RAD54L2: variants seen among roughly 807,000 people sequenced by gnomAD.
The protein encoded by RAD54L2 is helicase ARIP4.
RAD54L2 carries 27 observed loss-of-function variants against 138.4 expected under a neutral mutation model. The observed-to-expected ratio is 0.20, with a 90% CI of 0.14 to 0.27. RAD54L2 has a LOEUF of 0.27. Among genes scored for constraint, RAD54L2 ranks in the 10% least tolerant of loss-of-function variants. The probability of loss-of-function intolerance (pLI) is 1.00; values close to 1 mark genes in which losing one functional copy is unlikely to be tolerated. For synonymous variants in RAD54L2, 644 were observed against 723.2 expected (o/e 0.89, Z 1.76); for missense variants, 1,396 against 1,890.2 (o/e 0.74, Z 4.85).
chr3:51,589,501 G>A (rs1209562477), intron 2 of RAD54L2, among the ~76,000 whole-genome samples: 1 of 152,160 alleles, frequency 6.6e-6, no homozygotes, highest in Non-Finnish European at 1.5e-5. Context: ...TAGCATGGTG[G>A]ACTGGAAGCT....
At chr3:51,580,733 A>G (rs1699587242) in intron 2 of RAD54L2, among the ~76,000 whole-genome samples, 1 of 152,212 alleles carries the variant, frequency 6.6e-6, no homozygotes, top group Non-Finnish European at 1.5e-5. Flanking sequence ...ACAAAGCACC[A>G]CAAAGGGCCT....
At chr3:51,614,767 C>A (rs1375977319) in intron 3 of RAD54L2, among the ~76,000 whole-genome samples, 3 of 152,068 alleles carry the variant, frequency 2.0e-5, no homozygotes, top group Admixed American at 2.0e-4. Flanking sequence ...CCTCTCTTGG[C>A]CTTCCAAAGT....
intron 19 of RAD54L2, among the ~76,000 whole-genome samples, chr3:51,646,844 A>C (rs1431742042): frequency 6.6e-6 from 1 of 152,148 alleles, no homozygotes; most frequent in Non-Finnish European, 1.5e-5. Flanking sequence ...TCAAGGATGA[A>C]GGCTCTGTTC....
intron 2 of RAD54L2, among the ~76,000 whole-genome samples, chr3:51,580,696 A>G (rs1405353674): frequency 1.3e-5 from 2 of 152,222 alleles, no homozygotes; most frequent in African/African-American, 4.8e-5. Flanking sequence ...AACCTGGGAC[A>G]GAGACCAAAT....
Position 51,637,531 on chromosome 3 carries a change from T to C in RAD54L2, c.1682+28T>C, listed in dbSNP as rs916996473. ...GAGCCATCCTCAGGGTCCTGCTTCC[T>C]GAATTTTCAGAGGGCCCTGTTGCCA... On this transcript the variant is annotated intron_variant, in intron 11 of 22. Coordinates refer to ENST00000684192, the MANE Select transcript of RAD54L2 (RefSeq NM_015106.4). The surrounding 1 kb of genome is among the most constrained non-coding windows in gnomAD (Gnocchi z 5.9). The C allele has an allele frequency of 1.9e-6, 3 of 1,581,690 alleles. No individual in the cohort carries two copies. Among genetic ancestry groups the C allele is most frequent in the Non-Finnish European group, 2.6e-6 (3 of 1,160,760 alleles).
chr3:51,609,321 C>T (rs1360823698), intron 3 of RAD54L2, among the ~76,000 whole-genome samples: 1 of 152,204 alleles, frequency 6.6e-6, no homozygotes, highest in East Asian at 1.9e-4. Context: ...TATTATTTTG[C>T]CAAGGCATGG....
chr3:51,618,395 G>T (rs1700495822), intron 3 of RAD54L2, among the ~76,000 whole-genome samples: 1 of 151,910 alleles, frequency 6.6e-6, no homozygotes, highest in Non-Finnish European at 1.5e-5. Flanking sequence ...AGCTTTTTGT[G>T]TCCTGCTTTA....
chr3:51,562,644 C>T (rs1300874648), intron 2 of RAD54L2, among the ~76,000 whole-genome samples: 4 of 152,192 alleles, frequency 2.6e-5, no homozygotes, highest in Non-Finnish European at 5.9e-5. Flanking sequence ...GCTGGGATTA[C>T]AGGCATGAGC....
At chr3:51,575,734 A>G (rs1346425468) in intron 2 of RAD54L2, among the ~76,000 whole-genome samples, 1 of 152,198 alleles carries the variant, frequency 6.6e-6, no homozygotes, top group African/African-American at 2.4e-5. Flanking sequence ...TTATCAGCTT[A>G]AGGAGATTTT....
At chr3:51,542,906 C>T (rs1210161644) in intron 2 of RAD54L2, among the ~76,000 whole-genome samples, 4 of 152,120 alleles carry the variant, frequency 2.6e-5, no homozygotes, top group Non-Finnish European at 5.9e-5. Context: ...TTGGAAACAG[C>T]GGGCTCTCCC....
intron 3 of RAD54L2, among the ~76,000 whole-genome samples, chr3:51,600,737 C>T (rs578239073): frequency 3.3e-5 from 5 of 152,250 alleles, no homozygotes; most frequent in South Asian, 2.1e-4. Context: ...GAGGCCAAGG[C>T]GCATAGATCA....
intron 2 of RAD54L2, among the ~76,000 whole-genome samples, chr3:51,585,188 GA>G (rs149581076): frequency 6.6e-6 from 1 of 151,636 alleles, no homozygotes; most frequent in South Asian, 2.1e-4. Context: ...TATTCTTCAA[GA>G]AAAAAAACAA....
At chr3:51,633,556 T>A in intron 7 of RAD54L2, 21 bp from the exon 8 acceptor site, 1 of 1,599,622 alleles carries the variant, frequency 6.3e-7, no homozygotes. Flanking sequence ...CCCTCTGACA[T>A]TTGTCTTTGT....
At chr3:51,612,715 A>T (rs1303819450) in intron 3 of RAD54L2, among the ~76,000 whole-genome samples, 1 of 150,912 alleles carries the variant, frequency 6.6e-6, no homozygotes, top group Non-Finnish European at 1.5e-5. Context: ...AAAAACCTGT[A>T]ATTTTATTGT....
chr3:51,608,959 C>T (rs1340277315), intron 3 of RAD54L2, among the ~76,000 whole-genome samples: 1 of 152,098 alleles, frequency 6.6e-6, no homozygotes, highest in Non-Finnish European at 1.5e-5. Context: ...GGTGTGATCT[C>T]AGCTCACTGC....
At position 51,662,576 on chromosome 3, in the gene RAD54L2, C is replaced by T; in HGVS notation, c.3560C>T (p.Ala1187Val). The T allele has an allele frequency of 1.1e-5, 18 of 1,612,180 alleles. No individual in the cohort carries two copies. Among genetic ancestry groups the T allele is most frequent in the Non-Finnish European group, 1.5e-5 (18 of 1,179,668 alleles). ...SELQQYADVA[A>V]ARESRQSSPS... ...CTTCAGCAGTATGCAGATGTGGCTGCTGCCCGGGAATCCCGTCAGAGCTCC... is the reference window on the plus strand; with the variant it reads ...CTTCAGCAGTATGCAGATGTGGCTGTTGCCCGGGAATCCCGTCAGAGCTCC... The change falls in exon 23 of 23, where the codon GCT (alanine) becomes GTT (valine). Residue 1187 changes from alanine (A) to valine (V), a missense_variant. Coordinates refer to ENST00000684192, the MANE Select transcript of RAD54L2 (RefSeq NM_015106.4). This position sits in a 1 kb window ranked among gnomAD's most constrained non-coding sequence, Gnocchi z 4.6.
chr3:51,651,049 AAAG>A (rs1190268996), intron 19 of RAD54L2, among the ~76,000 whole-genome samples: 1 of 152,204 alleles, frequency 6.6e-6, no homozygotes, highest in East Asian at 1.9e-4. Context: ...CAAGACTAAG[AAAG>A]AAGAAAAGAG....
intron 19 of RAD54L2, among the ~76,000 whole-genome samples, chr3:51,655,625 G>A (rs1041794214): frequency 6.6e-6 from 1 of 152,140 alleles, no homozygotes. Context: ...CTGCCTTATT[G>A]CATCTTGACA....
intron 7 of RAD54L2, among the ~76,000 whole-genome samples, chr3:51,633,366 T>G (rs371608164): frequency 3.2e-4 from 49 of 152,230 alleles, no homozygotes; most frequent in Non-Finnish European, 6.6e-4. Flanking sequence ...GGTGTTACAC[T>G]GTACTAGTGA....
Sources: gnomAD v4.1 joint callset for allele counts (sites outside exome capture counted in the v4.1 genomes callset) on GRCh38, gnomAD v4.1.1 for gene constraint, Gnocchi (gnomAD v3.1) non-coding constraint, MANE v1.5 for transcripts, NCBI Gene and HGNC (gene_info 2026-07-23, HGNC 2026-07-21) for gene names.